The following SH3GL2 variants were observed in gnomAD, a reference collection of about 807,000 sequenced individuals.
SH3GL2 encodes SH3 domain containing GRB2 like 2, endophilin A1, also known as endophilin-A1.
Under a neutral mutation model 46.0 loss-of-function variants are expected in SH3GL2, and 24 were observed. That is an observed-to-expected ratio of 0.52 (90% CI 0.38 to 0.73). The LOEUF (loss-of-function observed/expected upper bound fraction) is 0.73. SH3GL2 is among the 30% of genes least tolerant of loss of function. The pLI, the probability that SH3GL2 is intolerant of heterozygous loss-of-function variation, is 0.00. For missense variants in SH3GL2, 413 were observed against 424.2 expected, an observed-to-expected ratio of 0.97 and a Z score of 0.23; for synonymous variants, 196 against 147.1, an observed-to-expected ratio of 1.33 and a Z score of -2.40.
intron 1 of SH3GL2, among the ~76,000 whole-genome samples, chr9:17,711,078 TA>T (rs1368903817): frequency 6.6e-6 from 1 of 151,870 alleles, no homozygotes; most frequent in Admixed American, 6.6e-5. Flanking sequence ...AAATTGTGTC[TA>T]TTTAATAAAA....
chr9:17,746,372 G>A (rs533537963), intron 1 of SH3GL2, among the ~76,000 whole-genome samples: 174 of 152,254 alleles, frequency 1.1e-3, no homozygotes, highest in African/African-American at 3.9e-3. Flanking sequence ...CACTGCGCCC[G>A]GCCCTAATTT....
intron 1 of SH3GL2, among the ~76,000 whole-genome samples, chr9:17,708,200 T>C (rs550521195): frequency 6.6e-6 from 1 of 152,164 alleles, no homozygotes; most frequent in East Asian, 1.9e-4. Context: ...TCCCAGGTTC[T>C]GTGCCTGCTT....
At chr9:17,673,318 A>ATTTT (rs35240605) in intron 1 of SH3GL2, among the ~76,000 whole-genome samples, 5 of 141,058 alleles carry the variant, frequency 3.5e-5, no homozygotes, top group African/African-American at 7.9e-5. Context: ...CTAGTTTTTA[A>ATTTT]TTTTTTTTTT....
chr9:17,693,597 C>G (rs2118148407), intron 1 of SH3GL2, among the ~76,000 whole-genome samples: 1 of 152,232 alleles, frequency 6.6e-6, no homozygotes, highest in East Asian at 1.9e-4. Flanking sequence ...AAAAGAAAGG[C>G]TGCCTTTATT....
intron 1 of SH3GL2, among the ~76,000 whole-genome samples, chr9:17,711,609 T>G (rs1307808472): frequency 6.6e-6 from 1 of 151,872 alleles, no homozygotes; most frequent in Non-Finnish European, 1.5e-5. Flanking sequence ...TCGGCATAAT[T>G]GTTTTGAGAC....
chr9:17,671,381 G>C (rs1456428433), intron 1 of SH3GL2, among the ~76,000 whole-genome samples: 2 of 152,048 alleles, frequency 1.3e-5, no homozygotes, highest in African/African-American at 2.4e-5. Flanking sequence ...GATTAGGAAG[G>C]GTAGTGTGTG....
At chr9:17,691,899 A>C (rs1051788164) in intron 1 of SH3GL2, among the ~76,000 whole-genome samples, 11 of 152,136 alleles carry the variant, frequency 7.2e-5, no homozygotes, top group Non-Finnish European at 1.3e-4. Flanking sequence ...GTTCTTTGAG[A>C]GTACATACTG....
intron 1 of SH3GL2, among the ~76,000 whole-genome samples, chr9:17,666,503 T>G (rs1183647628): frequency 6.6e-6 from 1 of 151,720 alleles, no homozygotes; most frequent in Non-Finnish European, 1.5e-5. Context: ...AACAAGCAGA[T>G]TCATGTGTTT....
At chr9:17,684,297 T>C (rs1563811247) in intron 1 of SH3GL2, among the ~76,000 whole-genome samples, 2 of 152,028 alleles carry the variant, frequency 1.3e-5, no homozygotes, top group Non-Finnish European at 2.9e-5. Context: ...GTAACAGAGA[T>C]GAACGATGCT....
At chr9:17,746,216 C>T (rs957814534) in intron 1 of SH3GL2, among the ~76,000 whole-genome samples, 1 of 152,148 alleles carries the variant, frequency 6.6e-6, no homozygotes, top group African/African-American at 2.4e-5. Flanking sequence ...GCTGGGACTA[C>T]AGGTGCCCGC....
At chr9:17,622,184 G>C (rs996017087) in intron 1 of SH3GL2, among the ~76,000 whole-genome samples, 1 of 152,006 alleles carries the variant, frequency 6.6e-6, no homozygotes, top group South Asian at 2.1e-4. Flanking sequence ...TTATTATTTA[G>C]GGATTATTTA....
intron 1 of SH3GL2, among the ~76,000 whole-genome samples, chr9:17,719,844 G>A (rs59158375): frequency 0.06 from 8,850 of 148,310 alleles, 847 homozygotes; most frequent in African/African-American, 0.2. Flanking sequence ...TATTTAAAAT[G>A]TAATACTGTG....
intron 1 of SH3GL2, among the ~76,000 whole-genome samples, chr9:17,677,162 A>G (rs2118009216): frequency 6.9e-6 from 1 of 144,524 alleles, no homozygotes; most frequent in African/African-American, 2.8e-5. Context: ...CTCTGTGAAG[A>G]TTTGAAAAAC....
chr9:17,645,958 G>T (rs1819805990), intron 1 of SH3GL2, among the ~76,000 whole-genome samples: 1 of 152,064 alleles, frequency 6.6e-6, no homozygotes, highest in East Asian at 1.9e-4. Context: ...GTAATATCCT[G>T]AAATATGTCT....
chr9:17,727,637 C>G (rs1822056795), intron 1 of SH3GL2, among the ~76,000 whole-genome samples: 1 of 152,128 alleles, frequency 6.6e-6, no homozygotes. Flanking sequence ...GATTAACACA[C>G]TGGAGGCAAC....
At chr9:17,618,080 AG>A (rs1311763386) in intron 1 of SH3GL2, among the ~76,000 whole-genome samples, 1 of 152,114 alleles carries the variant, frequency 6.6e-6, no homozygotes, top group Non-Finnish European at 1.5e-5. Context: ...TGGAGAGGAA[AG>A]CAATAGATTT....
intron 3 of SH3GL2, among the ~76,000 whole-genome samples, chr9:17,778,277 G>A (rs138821315): frequency 6.6e-6 from 1 of 152,242 alleles, no homozygotes; most frequent in East Asian, 1.9e-4. Flanking sequence ...GCAGTTCTGA[G>A]CCCTGGGCAT....
chr9:17,707,450 T>C (rs1042733547), intron 1 of SH3GL2, among the ~76,000 whole-genome samples: 2 of 152,062 alleles, frequency 1.3e-5, no homozygotes, highest in African/African-American at 4.8e-5. Flanking sequence ...CAAAGGACAA[T>C]GGAGACAGAA....
intron 1 of SH3GL2, among the ~76,000 whole-genome samples, chr9:17,675,778 C>T (rs1239906977): frequency 6.6e-6 from 1 of 152,112 alleles, no homozygotes; most frequent in Non-Finnish European, 1.5e-5. Context: ...AACCCTGTGT[C>T]TACTAAAAAT....
Sources: allele counts gnomAD v4.1 joint callset (sites outside exome capture counted in the v4.1 genomes callset), GRCh38; gene constraint gnomAD v4.1.1; transcripts MANE v1.5; gene names NCBI Gene and HGNC (gene_info 2026-07-23, HGNC 2026-07-21).